Variants in TBC1D15 observed in about 807,000 individuals in gnomAD.
The protein encoded by TBC1D15 is TBC1 domain family member 15.
A neutral mutation model predicts 95.4 loss-of-function variants in TBC1D15; 39 were observed. That is an observed-to-expected ratio of 0.41 (90% CI 0.32 to 0.53). The LOEUF is 0.53. Among genes scored for constraint, TBC1D15 ranks in the 20% least tolerant of loss-of-function variants. TBC1D15 has a pLI of 0.29. For missense variants in TBC1D15, 733 were observed against 794.3 expected (o/e 0.92, Z 0.93); for synonymous variants, 258 against 261.3 (o/e 0.99, Z 0.12).
chr12:71,847,043 G>T (rs1886463696), intron 1 of TBC1D15, among the ~76,000 whole-genome samples: 1 of 151,948 alleles, frequency 6.6e-6, no homozygotes, highest in South Asian at 2.1e-4. Flanking sequence ...TACAGGTGAG[G>T]CACTGTACCT....
At chr12:71,905,427 A>T (rs1900455111) in intron 10 of TBC1D15, among the ~76,000 whole-genome samples, 1 of 151,974 alleles carries the variant, frequency 6.6e-6, no homozygotes, top group Admixed American at 6.6e-5. Context: ...CTGGGCTCAG[A>T]TGGTTCTCCA....
chr12:71,885,129 G>T (rs920827676), intron 5 of TBC1D15, 108 bp downstream of exon 5: 7 of 970,574 alleles, frequency 7.2e-6, no homozygotes, highest in Non-Finnish European at 1.1e-5. Context: ...TGCATATGAG[G>T]ACATGAACAG....
chr12:71,855,658 A>C (rs1592702766), intron 1 of TBC1D15, among the ~76,000 whole-genome samples: 1 of 118,242 alleles, frequency 8.5e-6, no homozygotes, highest in African/African-American at 3.6e-5. Flanking sequence ...ACAGAGCGAG[A>C]CTCCATCTCA....
chr12:71,896,146 C>A, intron 8 of TBC1D15, 71 bp downstream of exon 8: 5 of 1,265,170 alleles, frequency 4.0e-6, no homozygotes, highest in African/African-American at 1.6e-5. Context: ...GTTATCGTTA[C>A]TGTTTTGGTG....
intron 1 of TBC1D15, among the ~76,000 whole-genome samples, chr12:71,858,758 T>C (rs1055676883): frequency 1.3e-5 from 2 of 152,042 alleles, no homozygotes; most frequent in Admixed American, 6.5e-5. Flanking sequence ...GGTTTCACCA[T>C]GTTGCCCAGG....
Position 71,918,613 on chromosome 12 carries a change from A to C in TBC1D15, c.1599+65A>C, listed in dbSNP as rs908405332. 4 of 1,071,252 alleles carry C rather than the reference A, an allele frequency of 3.7e-6. No homozygotes were observed. The African/African-American group carries it at 5.0e-5, about 13-fold the overall frequency. The allele number at this position is 1,071,252 out of a possible 1,614,324, so 66.4% of individuals were successfully genotyped here. On this transcript the variant is annotated intron_variant, in intron 14 of 16. Coordinates refer to ENST00000485960, the MANE Select transcript of TBC1D15 (RefSeq NM_001146213.3). ...TGAAAAGAAACAATTTATTCTGTAG[A>C]GTGTAAATGAATTATGATAGCCTTA... is the stretch of plus-strand genomic sequence containing the variant.
At chr12:71,864,662 A>G (rs1390263694) in intron 1 of TBC1D15, among the ~76,000 whole-genome samples, 2 of 152,090 alleles carry the variant, frequency 1.3e-5, no homozygotes, top group Admixed American at 6.5e-5. Context: ...GCCTGCCACC[A>G]TGCCCGCCTA....
intron 1 of TBC1D15, among the ~76,000 whole-genome samples, chr12:71,854,022 C>G (rs1039067658): frequency 1.3e-5 from 2 of 152,194 alleles, no homozygotes; most frequent in African/African-American, 4.8e-5. Context: ...TCTCTTTTCT[C>G]TGGTACTTTC....
At chr12:71,844,961 A>G (rs774687439) in intron 1 of TBC1D15, among the ~76,000 whole-genome samples, 8 of 152,228 alleles carry the variant, frequency 5.3e-5, no homozygotes, top group Middle Eastern at 3.2e-3. Context: ...AAACTTCTAA[A>G]TCAGATTAAG....
At chr12:71,904,263 ATAAGGAGATCAC>A (rs959244490) in intron 10 of TBC1D15, among the ~76,000 whole-genome samples, 8 of 152,352 alleles carry the variant, frequency 5.3e-5, no homozygotes, top group African/African-American at 1.9e-4. Context: ...GCATAGAGGA[ATAAGGAGATCAC>A]TGGAGATTTT....
chr12:71,861,468 C>A, intron 1 of TBC1D15: 1 of 1,534,936 alleles, frequency 6.5e-7, no homozygotes, highest in South Asian at 1.2e-5. Flanking sequence ...TATCCATACT[C>A]CAGTTTGTTG....
chr12:71,862,453 GT>G (rs1169331240), intron 1 of TBC1D15, among the ~76,000 whole-genome samples: 2 of 152,054 alleles, frequency 1.3e-5, no homozygotes, highest in Admixed American at 1.3e-4. Context: ...TCTTTCTACA[GT>G]TTTTGATTTT....
Position 71,923,568 on chromosome 12 carries a change from T to C in TBC1D15, c.*364T>C, listed in dbSNP as rs1870212386. The C allele has an allele frequency of 1.1e-5, 2 of 183,126 alleles. No homozygotes were observed. Among genetic ancestry groups the C allele is most frequent in the Non-Finnish European group, 1.2e-5 (1 of 86,820 alleles). 11.3% of individuals were successfully genotyped at this position (183,126 alleles called of 1,614,324 possible). A position where few individuals can be genotyped will look rare whatever the true frequency, so the allele number is the denominator to read the frequency against. On this transcript the variant is annotated 3_prime_UTR_variant, in exon 17 of 17. Coordinates refer to ENST00000485960, the MANE Select transcript of TBC1D15 (RefSeq NM_001146213.3). ...GGGTTTCAGATTTGATTAAATTAAA[T>C]GTGGAGGCTTTCTATAGCATTCTAA...
chr12:71,903,696 A>T (rs1899991793), intron 10 of TBC1D15, among the ~76,000 whole-genome samples: 1 of 152,210 alleles, frequency 6.6e-6, no homozygotes, highest in African/African-American at 2.4e-5. Context: ...TAATAAAGAG[A>T]TCGTAGCCTT....
At chr12:71,897,996 G>C (rs1203153090) in intron 10 of TBC1D15, 55 bp downstream of exon 10, 1 of 1,332,166 alleles carries the variant, frequency 7.5e-7, no homozygotes, top group African/African-American at 1.4e-5. Flanking sequence ...TTGAAATCTT[G>C]ATAAGAGTAA....
intron 6 of TBC1D15, 110 bp downstream of exon 6, chr12:71,893,434 A>G: frequency 1.8e-6 from 1 of 549,314 alleles, no homozygotes; most frequent in Non-Finnish European, 3.1e-6. Context: ...ATATATATAC[A>G]TAGATATGTG....
At chr12:71,877,535 C>T (rs1894188426) in intron 3 of TBC1D15, among the ~76,000 whole-genome samples, 2 of 140,618 alleles carry the variant, frequency 1.4e-5, no homozygotes, top group Admixed American at 7.1e-5. Context: ...TTCCTTCCTT[C>T]CTTCCTTCCT....
At chr12:71,871,864 A>G (rs1037713590) in intron 1 of TBC1D15, among the ~76,000 whole-genome samples, 1 of 152,280 alleles carries the variant, frequency 6.6e-6, no homozygotes, top group Non-Finnish European at 1.5e-5. Flanking sequence ...ACTTTCATGC[A>G]TTAACAAAGC....
At chr12:71,844,429 C>G (rs1565931898) in intron 1 of TBC1D15, among the ~76,000 whole-genome samples, 1 of 152,152 alleles carries the variant, frequency 6.6e-6, no homozygotes, top group Non-Finnish European at 1.5e-5. Flanking sequence ...TAAAATATAT[C>G]CTCTGCTAAG....
Sources: allele counts gnomAD v4.1 joint callset (sites outside exome capture counted in the v4.1 genomes callset), GRCh38; gene constraint gnomAD v4.1.1; transcripts MANE v1.5; gene names NCBI Gene and HGNC (gene_info 2026-07-23, HGNC 2026-07-21).